Variants in DNAAF8 observed in about 807,000 individuals in gnomAD.
DNAAF8 encodes dynein axonemal assembly factor 8.
In DNAAF8, 61 loss-of-function variants were observed where a neutral mutation model predicts 54.6. The observed-to-expected ratio is 1.12, with a 90% CI of 0.91 to 1.38. The LOEUF (loss-of-function observed/expected upper bound fraction) is 1.38. Ranked by LOEUF, DNAAF8 falls within the 40% of genes most tolerant of loss-of-function variation. The pLI, the probability that DNAAF8 is intolerant of heterozygous loss-of-function variation, is 0.00. For missense variants in DNAAF8, 837 were observed against 665.0 expected, an observed-to-expected ratio of 1.26 and a Z score of -2.85; for synonymous variants, 320 against 270.1, an observed-to-expected ratio of 1.18 and a Z score of -1.81.
Position 4,737,895 on chromosome 16 carries a change from T to A in DNAAF8, c.225T>A (p.Asp75Glu), listed in dbSNP as rs1293416068. 6.2e-7 allele frequency: 1 copy of A among 1,614,204 alleles called. No individual in the cohort carries two copies. Among genetic ancestry groups the A allele is most frequent in the Admixed American group, 1.7e-5 (1 of 60,022 alleles). Residue 75 changes from aspartate to glutamate, a missense_variant, in exon 3 of 10, where the codon GAT becomes GAA. Coordinates refer to ENST00000299320, the MANE Select transcript of DNAAF8 (RefSeq NM_139170.3). The part of the protein sequence containing the change: ...LSEELAEDPA[D>E]GDKSRAWVAA... Reference sequence around the variant, plus strand: ...AGGAGCTGGCTGAAGATCCTGCCGATGGCGACAAGTCCAGGGCCTGGGTCG... The same window carrying A: ...AGGAGCTGGCTGAAGATCCTGCCGAAGGCGACAAGTCCAGGGCCTGGGTCG...
intron 6 of DNAAF8, 84 bp downstream of exon 6, chr16:4,745,095 CG>C (rs1223921718): frequency 1.0e-5 from 15 of 1,482,136 alleles, no homozygotes; most frequent in Non-Finnish European, 1.4e-5. Context: ...CTACCAAGGG[CG>C]GGGCACTCCA....
rs932680228 is a variant in DNAAF8 at position 4,744,982 on chromosome 16, G to A, written c.1014G>A (p.Gln338=). ...CARKVPADTP[Q]DTKEADSGSR... is the part of the protein sequence containing the mutation. ...GGAAGGTGCCTGCCGACACTCCCCAGGACACCAAAGAGGCAGATTCAGGAA... is the reference window on the plus strand; with the variant it reads ...GGAAGGTGCCTGCCGACACTCCCCAAGACACCAAAGAGGCAGATTCAGGAA... Residue 338 remains glutamine (Q), a synonymous_variant, in exon 6 of 10, where the codon CAG becomes CAA. Transcript: ENST00000299320. 3 of 1,613,792 alleles carry A rather than the reference G, an allele frequency of 1.9e-6. No homozygotes were observed. The highest frequency in any genetic ancestry group is 2.5e-6 in the Non-Finnish European group (3 of 1,179,786).
rs773664937 is a variant in DNAAF8 at position 4,747,340 on chromosome 16, C to A, written c.1281-3C>A. Reference sequence around the variant, plus strand: ...GAGTGAATTTGGTCTCATTGTGTCACAGGACCTGTACCGGGAAAAGCCAGC... The same window carrying A: ...GAGTGAATTTGGTCTCATTGTGTCAAAGGACCTGTACCGGGAAAAGCCAGC... On this transcript the variant is annotated splice_polypyrimidine_tract_variant and splice_region_variant and intron_variant, in intron 8 of 9. Transcript: ENST00000299320. 3.8e-6 allele frequency: 6 copies of A among 1,560,662 alleles called. No individual in the cohort carries two copies. The Admixed American group carries it at 7.5e-5, about 20-fold the overall frequency.
At position 4,746,487 on chromosome 16, in the gene DNAAF8, C is replaced by A. The variant is rs753256219; in HGVS notation, c.1156C>A (p.Leu386Ile). 6.2e-7 allele frequency: 1 copy of A among 1,613,712 alleles called. No homozygotes were observed. Among genetic ancestry groups the A allele is most frequent in the Non-Finnish European group, 8.5e-7 (1 of 1,179,998 alleles). The change falls in exon 7 of 10, where the codon CTA (leucine) becomes ATA (isoleucine). Residue 386 changes from leucine (L) to isoleucine (I), a missense_variant. By Grantham distance (5) the Leu-to-Ile change is conservative. Transcript: ENST00000299320. ...CTTTATTGACCTGCGGCAGATGGAG[C>A]TACCAGACCACCTGTCCCCAGAAAG... ...TIFIDLRQME[L>I]PDHLSPESSS...
At chr16:4,737,169 C>G (rs1215727928) in intron 2 of DNAAF8, among the ~76,000 whole-genome samples, 1 of 152,096 alleles carries the variant, frequency 6.6e-6, no homozygotes, top group Non-Finnish European at 1.5e-5. Context: ...GGGGGCTGCT[C>G]AGTGCACAGG....
Position 4,746,894 on chromosome 16 carries a change from G to T in DNAAF8, c.1182-33G>T. 2.0e-6 allele frequency: 3 copies of T among 1,511,008 alleles called. No homozygotes were observed. The South Asian group carries it at 3.8e-5, about 19-fold the overall frequency. The allele number at this position is 1,511,008 out of a possible 1,614,324, so 93.6% of individuals were successfully genotyped here. A position where few individuals can be genotyped will look rare whatever the true frequency, so the allele number is the denominator to read the frequency against. On this transcript the variant is annotated intron_variant, in intron 7 of 9. Coordinates refer to ENST00000299320, the MANE Select transcript of DNAAF8 (RefSeq NM_139170.3). The stretch of plus-strand genomic sequence containing the variant: ...AAGAGTTGGAACACCAGGTGGAGTG[G>T]GCACATCCAGAAACCCATTTCTCTC...
intron 6 of DNAAF8, 114 bp downstream of exon 6, chr16:4,745,125 C>T (rs995261832): frequency 5.3e-5 from 72 of 1,346,888 alleles, no homozygotes; most frequent in Admixed American, 4.8e-4. Context: ...TTCTCAGTCA[C>T]TCTCAAGCAT....
chr16:4,736,608 G>C lies in DNAAF8; in HGVS notation c.94G>C (p.Asp32His). ...PWDAILKAVK[D>H]QLPSLDSDSP... Reference sequence around the variant, plus strand: ...GGATGCCATCCTCAAGGCTGTCAAAGACCAGCTCCCGTCTCTGGACTCAGA... The same window carrying C: ...GGATGCCATCCTCAAGGCTGTCAAACACCAGCTCCCGTCTCTGGACTCAGA... The change falls in exon 2 of 10, where the codon GAC becomes CAC. Residue 32 changes from aspartate to histidine, a missense_variant. Coordinates refer to ENST00000299320, the MANE Select transcript of DNAAF8 (RefSeq NM_139170.3). 6.3e-7 allele frequency: 1 copy of C among 1,587,958 alleles called. No homozygotes were observed. The highest frequency in any genetic ancestry group is 8.6e-7 in the Non-Finnish European group (1 of 1,165,602).
At chr16:4,746,174 G>A in intron 6 of DNAAF8, 1 of 535,028 alleles carries the variant, frequency 1.9e-6, no homozygotes, top group Non-Finnish European at 3.2e-6. Flanking sequence ...CATCATGAGG[G>A]ACGTTCTGTT....
chr16:4,743,412 A>C (rs2081976443), intron 5 of DNAAF8: 2 of 348,848 alleles, frequency 5.7e-6, no homozygotes, highest in South Asian at 5.1e-5. Context: ...TCCGCACCCC[A>C]CCCCATGACC....
intron 5 of DNAAF8, among the ~76,000 whole-genome samples, chr16:4,744,186 C>G (rs2081984150): frequency 6.6e-6 from 1 of 152,296 alleles, no homozygotes; most frequent in East Asian, 1.9e-4. Flanking sequence ...CTGCCTCAGC[C>G]TCCCAAAGTG....
intron 9 of DNAAF8, among the ~76,000 whole-genome samples, 180 bp downstream of exon 9, chr16:4,747,814 A>C (rs1380025808): frequency 1.3e-5 from 2 of 152,134 alleles, no homozygotes; most frequent in Non-Finnish European, 2.9e-5. Flanking sequence ...ACTTAGAGGA[A>C]GGATGCAGAT....
chr16:4,740,253 C>G lies in DNAAF8; in HGVS notation c.377C>G (p.Pro126Arg), dbSNP rs148714990. The change falls in exon 4 of 10, where the codon CCT (proline) becomes CGT (arginine). Residue 126 changes from proline (P) to arginine (R), a missense_variant. Pro to Arg is a moderately radical substitution (Grantham distance 103, BLOSUM62 -2). Transcript: ENST00000299320. Reference sequence around the variant, plus strand: ...CAGGAAGGAAGAGACCCTGGCAGGCCTTTTGAAAGCTCTGGTGAGGTCAGC... The same window carrying G: ...CAGGAAGGAAGAGACCCTGGCAGGCGTTTTGAAAGCTCTGGTGAGGTCAGC... ...SSQEGRDPGR[P>R]FESSGEVSAL... The G allele has an allele frequency of 2.5e-6, 4 of 1,613,932 alleles. No individual in the cohort carries two copies. Among genetic ancestry groups the G allele is most frequent in the Non-Finnish European group, 3.4e-6 (4 of 1,180,000 alleles).
intron 4 of DNAAF8, 131 bp downstream of exon 4, chr16:4,740,790 C>T (rs1389320836): frequency 2.6e-6 from 3 of 1,175,936 alleles, no homozygotes; most frequent in Non-Finnish European, 3.5e-6. Flanking sequence ...ATCCACCATT[C>T]TGTGTACCTG....
rs752523512 is a variant in DNAAF8, at chr16:4,744,917, C to T, written c.949C>T (p.Leu317Phe). ...AHNRLMEQLALLCTTQSKASA... is the reference protein window; with the variant it reads ...AHNRLMEQLAFLCTTQSKASA... ...CAACAGGCTCATGGAACAGCTGGCC[C>T]TCCTGTGCACCACGCAGTCCAAGGC... The change falls in exon 6 of 10, where the codon CTC (leucine) becomes TTC (phenylalanine). Residue 317 changes from leucine (L) to phenylalanine (F), a missense_variant. By Grantham distance (22) the Leu-to-Phe change is conservative. Transcript: ENST00000299320. 1 of 1,613,898 alleles carries T rather than the reference C, an allele frequency of 6.2e-7. No homozygotes were observed. Among genetic ancestry groups the T allele is most frequent in the South Asian group, 1.1e-5 (1 of 91,090 alleles).
chr16:4,739,265 G>GTTTTTTTTTTT (rs35113323), intron 3 of DNAAF8, among the ~76,000 whole-genome samples: 8,018 of 68,420 alleles, frequency 0.12, 1,793 homozygotes, highest in Middle Eastern at 0.19. Context: ...ATTTTTTCTT[G>GTTTTTTTTTTT]TTTTTTTTTT....
chr16:4,741,468 C>T lies in DNAAF8; in HGVS notation c.783+809C>T, dbSNP rs1182077236. 2.6e-5 allele frequency among the ~76,000 whole-genome samples: 4 copies of T among 152,008 alleles called. No individual in the cohort carries two copies. The East Asian group carries it at 7.7e-4, about 29-fold the overall frequency. The stretch of plus-strand genomic sequence containing the variant: ...GTATTTAGTGCATTAATGAGGGAAC[C>T]AGCAGGATGACAGTGCCGGTTTAAT... On this transcript the variant is annotated intron_variant, in intron 4 of 9. Coordinates refer to ENST00000299320, the MANE Select transcript of DNAAF8 (RefSeq NM_139170.3).
At position 4,747,020 on chromosome 16, in the gene DNAAF8, G is replaced by C. The variant is rs1232353769; in HGVS notation, c.1275G>C (p.Gly425=). The C allele has an allele frequency of 6.5e-7, 1 of 1,531,190 alleles. No individual in the cohort carries two copies. The highest frequency in any genetic ancestry group is 1.4e-5 in the African/African-American group (1 of 71,146). The allele number at this position is 1,531,190 out of a possible 1,614,324, so 94.9% of individuals were successfully genotyped here. Residue 425 remains glycine (G), a synonymous_variant, in exon 8 of 10, where the codon GGG becomes GGC. Transcript: ENST00000299320. ...DAEGASPSSL[G]LRTCTGKSQL... is the part of the protein sequence containing the mutation. ...AGGGGGCATCTCCTTCCTCCCTGGG[G>C]CTACGGTAACCACCCAGGGGCCTCT...
rs147856530 is a variant in DNAAF8, at chr16:4,740,338, G to A, written c.462G>A (p.Leu154=). 3.1e-6 allele frequency: 5 copies of A among 1,613,962 alleles called. No individual in the cohort carries two copies. The highest frequency in any genetic ancestry group is 3.3e-4 in the Middle Eastern group (2 of 6,062). The stretch of plus-strand genomic sequence containing the variant: ...GGCTGGAAGGCGACCTTGGAAGCCT[G>A]TCTTTCAACACCAAAGGATCCCAGG... ...PRWLEGDLGS[L]SFNTKGSQGP... is the part of the protein sequence containing the mutation. The change falls in exon 4 of 10, where the codon CTG becomes CTA. Residue 154 remains leucine, a synonymous_variant. Transcript: ENST00000299320.
Sources: gnomAD v4.1 joint callset for allele counts (sites outside exome capture counted in the v4.1 genomes callset) on GRCh38, gnomAD v4.1.1 for gene constraint, MANE v1.5 for transcripts, NCBI Gene and HGNC (gene_info 2026-07-23, HGNC 2026-07-21) for gene names.